VCAN: variants seen among roughly 807,000 people sequenced by gnomAD.
The protein encoded by VCAN is versican, also known as versican core protein.
In VCAN, 44 loss-of-function variants were observed where a neutral mutation model predicts 245.5. That is an observed-to-expected ratio of 0.18 (90% CI 0.14 to 0.23). VCAN has a LOEUF of 0.23. Ranked by LOEUF, VCAN falls within the 10% of genes least tolerant of loss-of-function variation. The pLI, the probability that VCAN is intolerant of heterozygous loss-of-function variation, is 1.00. For synonymous variants in VCAN, 1,413 were observed against 1,437.0 expected, an observed-to-expected ratio of 0.98 and a Z score of 0.38; for missense variants, 3,793 against 4,057.9, an observed-to-expected ratio of 0.93 and a Z score of 1.77.
intron 2 of VCAN, among the ~76,000 whole-genome samples, chr5:83,484,597 C>G (rs1260286313): frequency 6.6e-6 from 1 of 152,096 alleles, no homozygotes; most frequent in African/African-American, 2.4e-5. Context: ...TCTGTTCACC[C>G]ATTGATGATA....
At chr5:83,489,635 A>G (rs6888199) in intron 2 of VCAN, among the ~76,000 whole-genome samples, 6,776 of 152,122 alleles carry the variant, frequency 0.045, 499 homozygotes, top group African/African-American at 0.15. Flanking sequence ...TTTTGTTTTC[A>G]TTTCCTCTAA....
chr5:83,483,035 C>T (rs894651253), intron 1 of VCAN, among the ~76,000 whole-genome samples: 1 of 152,346 alleles, frequency 6.6e-6, no homozygotes, highest in African/African-American at 2.4e-5. Context: ...TCTCACCTTA[C>T]ACTTGATGAA....
intron 5 of VCAN, among the ~76,000 whole-genome samples, chr5:83,503,407 C>G (rs1745391108): frequency 6.6e-6 from 1 of 152,132 alleles, no homozygotes; most frequent in African/African-American, 2.4e-5. Flanking sequence ...TTACTCATCC[C>G]ATTTACTTTT....
rs538179991 is a variant in VCAN, at chr5:83,539,810, G to A, written c.6807G>A (p.Glu2269=). ...AAGTTTTACCTACTCTACCAACAGA[G>A]TCAGTGAATTTTACTGAAGTGGAAC... ...GEEVLPTLPT[E]SVNFTEVEQI... is the part of the protein sequence containing the mutation. Residue 2269 remains glutamate (E), a synonymous_variant, in exon 8 of 15, where the codon GAG becomes GAA. Coordinates refer to ENST00000265077, the MANE Select transcript of VCAN (RefSeq NM_004385.5). The A allele has an allele frequency of 3.0e-5, 48 of 1,614,030 alleles. No homozygotes were observed. In the Admixed American group the frequency reaches 7.8e-4, roughly 26 times the overall value.
chr5:83,520,926 G>A lies in VCAN; in HGVS notation c.2620G>A (p.Ala874Thr). The change falls in exon 7 of 15, where the codon GCA becomes ACA. Residue 874 changes from alanine (A) to threonine (T), a missense_variant. Transcript: ENST00000265077. ...AGAGGAGGTTACTGATGAAGACATA[G>A]CAGCCCATGGAAAATTCACAATTAG... is the stretch of plus-strand genomic sequence containing the variant. ...QLEEVTDEDI[A>T]AHGKFTIRFQ... 1.2e-6 allele frequency: 2 copies of A among 1,614,106 alleles called. No homozygotes were observed. The highest frequency in any genetic ancestry group is 1.7e-6 in the Non-Finnish European group (2 of 1,179,998).
intron 1 of VCAN, among the ~76,000 whole-genome samples, chr5:83,483,188 G>T (rs976745493): frequency 6.6e-6 from 1 of 152,086 alleles, no homozygotes; most frequent in African/African-American, 2.4e-5. Context: ...TTGAACTGTG[G>T]TCTCTGTTGT....
Position 83,540,933 on chromosome 5 carries a change from G to C in VCAN, c.7930G>C (p.Ala2644Pro). ...ATTTGAGGGCTCTGCTGATGTTCTG[G>C]CTAGCTACACTCAGGCAACACATGA... is the stretch of plus-strand genomic sequence containing the variant. ...ETFEGSADVL[A>P]SYTQATHDES... Residue 2644 changes from alanine (A) to proline (P), a missense_variant, in exon 8 of 15, where the codon GCT (alanine) becomes CCT (proline). Ala to Pro is a conservative substitution (Grantham distance 27, BLOSUM62 -1). Coordinates refer to ENST00000265077, the MANE Select transcript of VCAN (RefSeq NM_004385.5). The C allele has an allele frequency of 3.7e-6, 6 of 1,613,946 alleles. No individual in the cohort carries two copies. Among genetic ancestry groups the C allele is most frequent in the Non-Finnish European group, 5.1e-6 (6 of 1,179,976 alleles).
At chr5:83,559,253 CTG>C (rs1412186408) in intron 12 of VCAN, among the ~76,000 whole-genome samples, 1 of 152,158 alleles carries the variant, frequency 6.6e-6, no homozygotes, top group African/African-American at 2.4e-5. Context: ...CTTAAACCAA[CTG>C]TTAAATGAAT....
chr5:83,572,268 C>A, intron 12 of VCAN, 148 bp from the exon 13 acceptor site: 1 of 959,048 alleles, frequency 1.0e-6, no homozygotes, highest in Non-Finnish European at 1.6e-6. Flanking sequence ...GTTTAACAGT[C>A]TTTTTCTGTA....
chr5:83,490,264 A>G lies in VCAN; in HGVS notation c.237A>G (p.Lys79=). 1 of 1,614,184 alleles carries G rather than the reference A, an allele frequency of 6.2e-7. No individual in the cohort carries two copies. The highest frequency in any genetic ancestry group is 8.5e-7 in the Non-Finnish European group (1 of 1,180,044). The change falls in exon 3 of 15, where the codon AAA becomes AAG. Residue 79 remains lysine (K), a synonymous_variant. Coordinates refer to ENST00000265077, the MANE Select transcript of VCAN (RefSeq NM_004385.5). ...TGGACAAAAATGGAAAAGATTTGAA[A>G]GAGACTACTGTCCTTGTGGCCCAAA... ...IEVDKNGKDL[K]ETTVLVAQNG...
intron 13 of VCAN, among the ~76,000 whole-genome samples, chr5:83,577,849 T>C (rs1748537816): frequency 6.6e-6 from 1 of 152,160 alleles, no homozygotes; most frequent in African/African-American, 2.4e-5. Context: ...TGTAAATCTC[T>C]TTCTGGTCTA....
intron 8 of VCAN, 126 bp from the exon 9 acceptor site, chr5:83,545,411 G>A (rs1448823751): frequency 2.5e-6 from 2 of 795,122 alleles, no homozygotes; most frequent in African/African-American, 1.7e-5. Flanking sequence ...ATTTTTATAT[G>A]TAGTAACTCT....
At chr5:83,550,090 C>T (rs950831539) in intron 10 of VCAN, among the ~76,000 whole-genome samples, 17 of 152,198 alleles carry the variant, frequency 1.1e-4, no homozygotes, top group Admixed American at 2.6e-4. Flanking sequence ...AGAGGCAGTT[C>T]TGGCTGCACA....
intron 12 of VCAN, among the ~76,000 whole-genome samples, chr5:83,561,543 C>T (rs972973216): frequency 1.3e-5 from 2 of 152,012 alleles, no homozygotes; most frequent in East Asian, 3.9e-4. Context: ...TTTCCAACAC[C>T]CACTTGTCCC....
Position 83,521,216 on chromosome 5 carries a change from C to G in VCAN, c.2910C>G (p.Ser970=), listed in dbSNP as rs1440394081. Residue 970 remains serine (S), a synonymous_variant, in exon 7 of 15, where the codon TCC becomes TCG. Coordinates refer to ENST00000265077, the MANE Select transcript of VCAN (RefSeq NM_004385.5). ...TQEPTTYVDS[S]HTIPLSVIPK... ...AGCCTACTACTTATGTAGACTCTTCCCATACCATTCCTCTTTCTGTAATTC... is the reference window on the plus strand; with the variant it reads ...AGCCTACTACTTATGTAGACTCTTCGCATACCATTCCTCTTTCTGTAATTC... The G allele has an allele frequency of 6.2e-7, 1 of 1,613,896 alleles. No individual in the cohort carries two copies. Among genetic ancestry groups the G allele is most frequent in the Admixed American group, 1.7e-5 (1 of 60,004 alleles).
chr5:83,531,224 T>TA (rs1218405511), intron 7 of VCAN: 9 of 152,198 alleles, frequency 5.9e-5, no homozygotes, highest in African/African-American at 2.2e-4. Context: ...GAAAAGTTGA[T>TA]ATACGGTGTC....
intron 12 of VCAN, 71 bp from the exon 13 acceptor site, chr5:83,572,345 T>A (rs1190916849): frequency 1.3e-6 from 2 of 1,556,072 alleles, no homozygotes; most frequent in African/African-American, 1.4e-5. Flanking sequence ...TAGATTGTGA[T>A]ATAATACCGT....
intron 7 of VCAN, among the ~76,000 whole-genome samples, chr5:83,528,316 T>C (rs1316389479): frequency 6.6e-6 from 1 of 152,184 alleles, no homozygotes; most frequent in African/African-American, 2.4e-5. Flanking sequence ...AATCCAATTA[T>C]GAGAGGCCAG....
At position 83,537,620 on chromosome 5, in the gene VCAN, T is replaced by C; in HGVS notation, c.4617T>C (p.Pro1539=). 6.2e-7 allele frequency: 1 copy of C among 1,613,856 alleles called. No homozygotes were observed. The change falls in exon 8 of 15, where the codon CCT becomes CCC. Residue 1539 remains proline (P), a synonymous_variant. Coordinates refer to ENST00000265077, the MANE Select transcript of VCAN (RefSeq NM_004385.5). ...VGHQAHEHTE[P]VSLFPEESSG... ...ATCAGGCACATGAACATACTGAACC[T>C]GTATCTCTGTTTCCTGAAGAGTCTT... is the stretch of plus-strand genomic sequence containing the variant.
Sources: allele counts gnomAD v4.1 joint callset (sites outside exome capture counted in the v4.1 genomes callset), GRCh38; gene constraint gnomAD v4.1.1; transcripts MANE v1.5; gene names NCBI Gene and HGNC (gene_info 2026-07-23, HGNC 2026-07-21).